The following GOLGA2 variants were observed in gnomAD, a reference collection of about 807,000 sequenced individuals.
The protein encoded by GOLGA2 is golgin subfamily A member 2.
Under a neutral mutation model 148.8 loss-of-function variants are expected in GOLGA2, and 49 were observed. The observed-to-expected ratio is 0.33, with a 90% CI of 0.26 to 0.42. GOLGA2 has a LOEUF of 0.42. GOLGA2 is among the 10% of genes least tolerant of loss of function. The pLI is 1.00. For missense variants in GOLGA2, 1,178 were observed against 1,304.6 expected (o/e 0.90, Z 1.49); for synonymous variants, 501 against 511.8 (o/e 0.98, Z 0.28).
chr9:128,275,880 C>T lies in GOLGA2; in HGVS notation c.84+13G>A, dbSNP rs748510536. 4.7e-6 allele frequency: 7 copies of T among 1,481,876 alleles called. No individual in the cohort carries two copies. The highest frequency in any genetic ancestry group is 3.6e-5 in the South Asian group (3 of 83,482). The allele number at this position is 1,481,876 out of a possible 1,614,324, so 91.8% of individuals were successfully genotyped here. On this transcript the variant is annotated intron_variant, in intron 1 of 26. Coordinates refer to ENST00000611957, the MANE Select transcript of GOLGA2 (RefSeq NM_001366244.2). ...GGGGCTGGGTCGGGGGGCCGCGACC[C>T]GGTGCACTTTACCTTTTTCTTCGCT... is the stretch of plus-strand genomic sequence containing the variant.
At position 128,267,490 on chromosome 9, in the gene GOLGA2, G is replaced by A. The variant is rs1830663312; in HGVS notation, c.529C>T (p.Pro177Ser). ...TCCTTCAGGTTAGCAGACGATGCAG[G>A]GCCCTCCCCATTGACACATGTCGCA... ...ESATCVNGEG[P>S]ASSANLKDLE... Residue 177 changes from proline to serine, a missense_variant, in exon 7 of 27, where the codon CCT becomes TCT. By Grantham distance (74) the Pro-to-Ser change is moderately conservative. This residue lies in a region of GOLGA2 where 304 missense variants were observed against 404.1 expected (regional missense o/e 0.75). Transcript: ENST00000611957. 3 of 1,613,454 alleles carry A rather than the reference G, an allele frequency of 1.9e-6. No homozygotes were observed. The highest frequency in any genetic ancestry group is 2.5e-6 in the Non-Finnish European group (3 of 1,179,502).
chr9:128,261,336 C>T lies in GOLGA2; in HGVS notation c.1333-77G>A. 1 of 1,320,422 alleles carries T rather than the reference C, an allele frequency of 7.6e-7. No homozygotes were observed. Among genetic ancestry groups the T allele is most frequent in the Non-Finnish European group, 1.1e-6 (1 of 913,178 alleles). 81.8% of individuals were successfully genotyped at this position (1,320,422 alleles called of 1,614,324 possible). A position where few individuals can be genotyped will look rare whatever the true frequency, so the allele number is the denominator to read the frequency against. Reference sequence around the variant, plus strand: ...AGGCTACCATCTCCCTCTGCCCCCACCGCCACAAAGCCCAGACCCATGACC... The same window carrying T: ...AGGCTACCATCTCCCTCTGCCCCCATCGCCACAAAGCCCAGACCCATGACC... On this transcript the variant is annotated intron_variant, in intron 16 of 26. Coordinates refer to ENST00000611957, the MANE Select transcript of GOLGA2 (RefSeq NM_001366244.2). The surrounding 1 kb of genome is among the most constrained non-coding windows in gnomAD (Gnocchi z 5.7).
At chr9:128,262,255 A>G (rs1314011921) in intron 14 of GOLGA2, among the ~76,000 whole-genome samples, 1 of 152,040 alleles carries the variant, frequency 6.6e-6, no homozygotes, top group Non-Finnish European at 1.5e-5. Context: ...TCAGAAGGAA[A>G]TAAACAGACT....
chr9:128,268,671 T>C (rs61380244), intron 3 of GOLGA2, 147 bp from the exon 4 acceptor site: 47,345 of 604,360 alleles, frequency 0.078, 2,830 homozygotes, highest in East Asian at 0.24. Flanking sequence ...GGGGTGTGGA[T>C]TGGTTGCCCA....
In GOLGA2 at chr9:128,266,067, G is replaced by A. The variant is rs763222071; in HGVS notation, c.682-47C>T. 30 of 1,515,124 alleles carry A rather than the reference G, an allele frequency of 2.0e-5. No homozygotes were observed. Among genetic ancestry groups the A allele is most frequent in the African/African-American group, 1.1e-4 (8 of 72,924 alleles). 93.9% of individuals were successfully genotyped at this position (1,515,124 alleles called of 1,614,324 possible). A position where few individuals can be genotyped will look rare whatever the true frequency, so the allele number is the denominator to read the frequency against. On this transcript the variant is annotated intron_variant, in intron 9 of 26. Coordinates refer to ENST00000611957, the MANE Select transcript of GOLGA2 (RefSeq NM_001366244.2). The surrounding 1 kb of genome is among the most constrained non-coding windows in gnomAD (Gnocchi z 4.2). Reference sequence around the variant, plus strand: ...GCTCTTACGAGGGGGAGGCAGAGACGGCACAGCAAGGGACATGCCCCCAGA... The same window carrying A: ...GCTCTTACGAGGGGGAGGCAGAGACAGCACAGCAAGGGACATGCCCCCAGA...
chr9:128,272,190 C>A (rs749355835), intron 3 of GOLGA2, among the ~76,000 whole-genome samples: 4 of 151,232 alleles, frequency 2.6e-5, no homozygotes, highest in Non-Finnish European at 5.9e-5. Flanking sequence ...AAGCCCAAAT[C>A]CCAGAATCCC....
rs1829902197 is a variant in GOLGA2 at position 128,256,939 on chromosome 9, C to A, written c.*128G>T. The A allele has an allele frequency of 7.0e-5, 49 of 703,974 alleles. No individual in the cohort carries two copies. The South Asian group carries it at 9.1e-4, about 13-fold the overall frequency. The allele number at this position is 703,974 out of a possible 1,614,324, so 43.6% of individuals were successfully genotyped here. On this transcript the variant is annotated 3_prime_UTR_variant, in exon 27 of 27. Transcript: ENST00000611957. ...TTCACCTCATCTGCACCTGTCTACC[C>A]CCGTTAGACAGGGGTCTATGCTTGC...
At position 128,259,411 on chromosome 9, in the gene GOLGA2, G is replaced by A. The variant is rs368066409; in HGVS notation, c.1873-20C>T. The A allele has an allele frequency of 1.9e-4, 275 of 1,472,410 alleles. No individual in the cohort carries two copies. The highest frequency in any genetic ancestry group is 8.0e-4 in the Admixed American group (40 of 50,194). 91.2% of individuals were successfully genotyped at this position (1,472,410 alleles called of 1,614,324 possible). On this transcript the variant is annotated intron_variant, in intron 19 of 26. Transcript: ENST00000611957. ...CTCCACCTGTAGGAAGACCCTGGGC[G>A]TGAGGGCAGGTGGTGGCCTGCTTCC...
At position 128,258,943 on chromosome 9, in the gene GOLGA2, C is replaced by T. The variant is rs1327297523; in HGVS notation, c.2173+64G>A. On this transcript the variant is annotated intron_variant, in intron 21 of 26. Coordinates refer to ENST00000611957, the MANE Select transcript of GOLGA2 (RefSeq NM_001366244.2). This position sits in a 1 kb window ranked among gnomAD's most constrained non-coding sequence, Gnocchi z 6.6. ...GGTCTCTTCCAACTCCTCAATTCTA[C>T]GCTGCTAACAGTCCCCCCTTCTTCC... 1.7e-5 allele frequency: 18 copies of T among 1,078,242 alleles called. 1 individual carries two copies. Among genetic ancestry groups the T allele is most frequent in the South Asian group, 6.2e-5 (5 of 80,220 alleles). 66.8% of individuals were successfully genotyped at this position (1,078,242 alleles called of 1,614,324 possible). A position where few individuals can be genotyped will look rare whatever the true frequency, so the allele number is the denominator to read the frequency against.
chr9:128,262,871 G>A, intron 13 of GOLGA2, 163 bp downstream of exon 13: 8 of 806,236 alleles, frequency 9.9e-6, no homozygotes, highest in Non-Finnish European at 1.7e-5. Flanking sequence ...AGTTACCCAA[G>A]GCTACACCAT....
Position 128,259,296 on chromosome 9 carries a change from C to G in GOLGA2, c.1968G>C (p.Leu656=). The G allele has an allele frequency of 6.2e-7, 1 of 1,611,486 alleles. No homozygotes were observed. The highest frequency in any genetic ancestry group is 8.5e-7 in the Non-Finnish European group (1 of 1,179,012). The change falls in exon 20 of 27, where the codon CTG becomes CTC. Residue 656 remains leucine, a synonymous_variant. Transcript: ENST00000611957. ...LQQYVAAYQQ[L]TSEKEVLHNQ... ...TATGCAGCACCTCCTTCTCAGAGGTCAGCTGCTGATAGGCGGCCACATACT... is the reference window on the plus strand; with the variant it reads ...TATGCAGCACCTCCTTCTCAGAGGTGAGCTGCTGATAGGCGGCCACATACT...
intron 1 of GOLGA2, among the ~76,000 whole-genome samples, chr9:128,274,442 CAGG>C (rs984794353): frequency 1.3e-5 from 2 of 152,068 alleles, no homozygotes; most frequent in Non-Finnish European, 2.9e-5. Context: ...GAGGCTAAGG[CAGG>C]AGGATTACTT....
intron 1 of GOLGA2, among the ~76,000 whole-genome samples, chr9:128,274,364 A>T (rs1190324481): frequency 6.6e-6 from 1 of 152,130 alleles, no homozygotes; most frequent in Non-Finnish European, 1.5e-5. Flanking sequence ...ACATCACTAC[A>T]TTCCACTCCA....
chr9:128,266,779 C>A lies in GOLGA2; in HGVS notation c.642+415G>T. ...GCCTTTAAATCTTGGACTCTCAGAG[C>A]TAAGAGACCTTTGATACTCTCTAAC... On this transcript the variant is annotated intron_variant, in intron 8 of 26. Coordinates refer to ENST00000611957, the MANE Select transcript of GOLGA2 (RefSeq NM_001366244.2). The surrounding 1 kb of genome is among the most constrained non-coding windows in gnomAD (Gnocchi z 4.2). The A allele has an allele frequency of 5.7e-6, 2 of 349,436 alleles. No homozygotes were observed. Among genetic ancestry groups the A allele is most frequent in the Non-Finnish European group, 1.1e-5 (2 of 189,868 alleles). 21.6% of individuals were successfully genotyped at this position (349,436 alleles called of 1,614,324 possible). A position where few individuals can be genotyped will look rare whatever the true frequency, so the allele number is the denominator to read the frequency against.
In GOLGA2 at chr9:128,268,507, A is replaced by G; in HGVS notation, c.306T>C (p.Ala102=). The change falls in exon 4 of 27, where the codon GCT becomes GCC. Residue 102 remains alanine, a synonymous_variant. Coordinates refer to ENST00000611957, the MANE Select transcript of GOLGA2 (RefSeq NM_001366244.2). ...TGTCATCAGATGGTTGTAGAGTAGC[A>G]GCATTGTCCTTGGGTGTCTGTCACA... is the stretch of plus-strand genomic sequence containing the variant. ...LDKWKTPKDN[A]ATLQPSDDTV... is the part of the protein sequence containing the mutation. 6.2e-7 allele frequency: 1 copy of G among 1,608,072 alleles called. No individual in the cohort carries two copies. The highest frequency in any genetic ancestry group is 8.5e-7 in the Non-Finnish European group (1 of 1,175,614).
chr9:128,265,627 C>T lies in GOLGA2; in HGVS notation c.891G>A (p.Arg297=). The part of the protein sequence containing the change: ...YSRRRVGELE[R]ALSAVSTQQK... Reference sequence around the variant, plus strand: ...GCTGCGTGGAGACAGCAGAGAGAGCCCGCTCCAACTCTCCCACACGCCGCC... The same window carrying T: ...GCTGCGTGGAGACAGCAGAGAGAGCTCGCTCCAACTCTCCCACACGCCGCC... The change falls in exon 12 of 27, where the codon CGG becomes CGA. Residue 297 remains arginine, a synonymous_variant. Transcript: ENST00000611957. 6.2e-7 allele frequency: 1 copy of T among 1,613,744 alleles called. No individual in the cohort carries two copies. The highest frequency in any genetic ancestry group is 1.7e-5 in the Admixed American group (1 of 60,020).
Position 128,256,953 on chromosome 9 carries a change from G to T in GOLGA2, c.*114C>A. The T allele has an allele frequency of 1.3e-6, 1 of 779,744 alleles. No individual in the cohort carries two copies. Among genetic ancestry groups the T allele is most frequent in the South Asian group, 1.7e-5 (1 of 59,912 alleles). 48.3% of individuals were successfully genotyped at this position (779,744 alleles called of 1,614,324 possible). A position where few individuals can be genotyped will look rare whatever the true frequency, so the allele number is the denominator to read the frequency against. On this transcript the variant is annotated 3_prime_UTR_variant, in exon 27 of 27. Coordinates refer to ENST00000611957, the MANE Select transcript of GOLGA2 (RefSeq NM_001366244.2). ...ACCTGTCTACCCCCGTTAGACAGGG[G>T]TCTATGCTTGCTACTGTAAGGGTAA...
At chr9:128,269,351 C>T (rs559917390) in intron 3 of GOLGA2, among the ~76,000 whole-genome samples, 32 of 152,146 alleles carry the variant, frequency 2.1e-4, no homozygotes, top group Admixed American at 4.6e-4. Context: ...GAGGATAAAC[C>T]ATGGCCAACA....
rs1326443301 is a variant in GOLGA2, at chr9:128,255,840, C to T, written c.*1227G>A. Reference sequence around the variant, plus strand: ...ATCAGGCAGAGCAGTATGGCTAAATCCATTTATTCCGAAATAAAAAGCAAA... The same window carrying T: ...ATCAGGCAGAGCAGTATGGCTAAATTCATTTATTCCGAAATAAAAAGCAAA... On this transcript the variant is annotated 3_prime_UTR_variant, in exon 27 of 27. Coordinates refer to ENST00000611957, the MANE Select transcript of GOLGA2 (RefSeq NM_001366244.2). 6.6e-6 allele frequency: 1 copy of T among 152,460 alleles called. No homozygotes were observed. Among genetic ancestry groups the T allele is most frequent in the South Asian group, 2.1e-4 (1 of 4,832 alleles). The allele number at this position is 152,460 out of a possible 1,614,324, so 9.4% of individuals were successfully genotyped here. A position where few individuals can be genotyped will look rare whatever the true frequency, so the allele number is the denominator to read the frequency against.
Sources: gnomAD v4.1 joint callset for allele counts (sites outside exome capture counted in the v4.1 genomes callset) on GRCh38, gnomAD v4.1.1 for gene constraint, gnomAD v4.1.1 regional missense constraint, Gnocchi (gnomAD v3.1) non-coding constraint, MANE v1.5 for transcripts, NCBI Gene and HGNC (gene_info 2026-07-23, HGNC 2026-07-21) for gene names.